The following PDE7B variants were observed in gnomAD, a reference collection of about 807,000 sequenced individuals.
The protein encoded by PDE7B is phosphodiesterase 7B.
A neutral mutation model predicts 56.2 loss-of-function variants in PDE7B; 29 were observed. The ratio of observed to expected loss-of-function variants is 0.52; its 90% confidence interval spans 0.38 to 0.70. The LOEUF is 0.70. Among genes scored for constraint, PDE7B ranks in the 30% least tolerant of loss-of-function variants. The pLI is 0.00. For missense variants in PDE7B, 490 were observed against 565.0 expected (o/e 0.87, Z 1.35); for synonymous variants, 197 against 196.9 (o/e 1.00, Z 0.00).
intron 10 of PDE7B, among the ~76,000 whole-genome samples, chr6:136,180,954 G>T (rs1360062954): frequency 6.6e-6 from 1 of 152,108 alleles, no homozygotes; most frequent in Non-Finnish European, 1.5e-5. Context: ...GGCTTTCCTT[G>T]GCCTGCCCAC....
intron 2 of PDE7B, among the ~76,000 whole-genome samples, chr6:135,998,616 C>T (rs9494435): frequency 0.046 from 6,956 of 151,946 alleles, 465 homozygotes; most frequent in African/African-American, 0.16. Flanking sequence ...ATTAGCCAGG[C>T]GTGGTGGTGG....
At chr6:136,004,079 TA>T (rs1387341451) in intron 2 of PDE7B, among the ~76,000 whole-genome samples, 1 of 152,140 alleles carries the variant, frequency 6.6e-6, no homozygotes, top group Non-Finnish European at 1.5e-5. Context: ...ATCCAGCATA[TA>T]AACAGAACCA....
intron 1 of PDE7B, among the ~76,000 whole-genome samples, chr6:135,884,897 T>G (rs780673815): frequency 1.2e-4 from 18 of 152,186 alleles, no homozygotes; most frequent in Non-Finnish European, 2.2e-4. Flanking sequence ...TAGTGACCAG[T>G]TAACTTAGTT....
At chr6:136,003,743 A>G (rs1194211222) in intron 2 of PDE7B, among the ~76,000 whole-genome samples, 3 of 152,226 alleles carry the variant, frequency 2.0e-5, no homozygotes, top group Admixed American at 2.0e-4. Flanking sequence ...CCAGGACCAG[A>G]TGGATTCACA....
At chr6:135,970,408 G>A (rs1480376105) in intron 2 of PDE7B, among the ~76,000 whole-genome samples, 1 of 149,640 alleles carries the variant, frequency 6.7e-6, no homozygotes, top group Admixed American at 6.7e-5. Flanking sequence ...AGTAGGAGGA[G>A]ATGAGTTCAA....
At chr6:135,954,193 C>A (rs1444742104) in intron 2 of PDE7B, among the ~76,000 whole-genome samples, 2 of 152,176 alleles carry the variant, frequency 1.3e-5, no homozygotes, top group Non-Finnish European at 2.9e-5. Flanking sequence ...CACACCCATA[C>A]ACGCAGAATG....
In PDE7B at chr6:135,909,684, T is replaced by C. The variant is rs1490845942; in HGVS notation, c.22-37780T>C. ...TCATAATAATCATATATGTTATTTT[T>C]ATATTTTTAATTTTATTTTATATTT... On this transcript the variant is annotated intron_variant, in intron 1 of 12. Transcript: ENST00000308191. Among the ~76,000 whole-genome samples the C allele has an allele frequency of 3.3e-5, 5 of 152,206 alleles. No homozygotes were observed. The East Asian group carries it at 9.6e-4, about 29-fold the overall frequency.
chr6:135,962,067 G>A (rs1267020566), intron 2 of PDE7B, among the ~76,000 whole-genome samples: 5 of 152,114 alleles, frequency 3.3e-5, no homozygotes, highest in African/African-American at 1.2e-4. Flanking sequence ...GGTTGACAAT[G>A]GGAAAGTTTG....
intron 2 of PDE7B, among the ~76,000 whole-genome samples, chr6:136,079,870 T>C (rs1231665858): frequency 1.3e-5 from 2 of 152,050 alleles, no homozygotes; most frequent in Non-Finnish European, 2.9e-5. Flanking sequence ...TCACTGAGAA[T>C]GAGTGTGAGA....
chr6:136,179,212 A>C, intron 10 of PDE7B, 71 bp downstream of exon 10: 199 of 1,405,762 alleles, frequency 1.4e-4, no homozygotes, highest in Non-Finnish European at 1.8e-4. Context: ...GTGGTGGCTC[A>C]CATCTGTAGT....
intron 1 of PDE7B, among the ~76,000 whole-genome samples, chr6:135,896,806 G>A (rs755469829): frequency 2.0e-5 from 3 of 152,102 alleles, no homozygotes; most frequent in South Asian, 2.1e-4. Flanking sequence ...AGCCTTCCAC[G>A]ATTCCACTGC....
intron 2 of PDE7B, chr6:136,064,747 C>T (rs529327665): frequency 6.6e-6 from 1 of 152,310 alleles, no homozygotes; most frequent in African/African-American, 2.4e-5. Context: ...TTAATTGTCA[C>T]TCTTTCTGGA....
At chr6:136,125,279 A>T (rs1405895594) in intron 3 of PDE7B, among the ~76,000 whole-genome samples, 1 of 152,198 alleles carries the variant, frequency 6.6e-6, no homozygotes. Context: ...TATATAAGTT[A>T]TATGTAAGTA....
intron 3 of PDE7B, chr6:136,112,691 T>G (rs1777768958): frequency 6.6e-6 from 1 of 152,174 alleles, no homozygotes; most frequent in African/African-American, 2.4e-5. Context: ...TAAATTTTTA[T>G]GAACAGAAGA....
At chr6:135,956,675 G>A (rs892404994) in intron 2 of PDE7B, among the ~76,000 whole-genome samples, 8 of 152,048 alleles carry the variant, frequency 5.3e-5, no homozygotes, top group African/African-American at 1.9e-4. Flanking sequence ...AGCTACTCAG[G>A]AGGCTGAGGT....
chr6:135,967,624 C>T (rs1413108123), intron 2 of PDE7B, among the ~76,000 whole-genome samples: 1 of 152,194 alleles, frequency 6.6e-6, no homozygotes, highest in African/African-American at 2.4e-5. Context: ...GCAAATATTC[C>T]TGGAGTCAAT....
intron 2 of PDE7B, chr6:136,038,185 T>TAGCAGCAGC: frequency 1.6e-5 from 20 of 1,285,642 alleles, no homozygotes; most frequent in East Asian, 5.4e-5. Context: ...TCCCCTGTGG[T>TAGCAGCAGC]AGCAGCAGCA....
chr6:136,071,218 G>C (rs1324654963), intron 2 of PDE7B: 2 of 152,172 alleles, frequency 1.3e-5, no homozygotes, highest in Non-Finnish European at 2.9e-5. Flanking sequence ...CTTCTCTCAT[G>C]ACAGCTGCAT....
chr6:136,054,601 G>T (rs527878957), intron 2 of PDE7B, among the ~76,000 whole-genome samples: 1 of 152,284 alleles, frequency 6.6e-6, no homozygotes, highest in East Asian at 1.9e-4. Flanking sequence ...GAAAGTCATT[G>T]GTAGCTCGAT....
Sources: gnomAD v4.1 joint callset for allele counts (sites outside exome capture counted in the v4.1 genomes callset) on GRCh38, gnomAD v4.1.1 for gene constraint, MANE v1.5 for transcripts, NCBI Gene and HGNC (gene_info 2026-07-23, HGNC 2026-07-21) for gene names.